THRAP3: variants seen among roughly 807,000 people sequenced by gnomAD.
THRAP3 encodes the protein thyroid hormone receptor-associated protein 3.
THRAP3 carries 16 observed loss-of-function variants against 101.0 expected under a neutral mutation model. The observed-to-expected ratio is 0.16, with a 90% CI of 0.11 to 0.24. The LOEUF (loss-of-function observed/expected upper bound fraction) is 0.24, where lower values mean the gene tolerates loss of function less well. Among genes scored for constraint, THRAP3 ranks in the 10% least tolerant of loss-of-function variants. THRAP3 has a pLI of 1.00. For missense variants in THRAP3, 989 were observed against 1,202.7 expected (o/e 0.82, Z 2.63); for synonymous variants, 407 against 422.6 (o/e 0.96, Z 0.45).
intron 2 of THRAP3, among the ~76,000 whole-genome samples, chr1:36,267,055 TG>T (rs1645524015): frequency 6.6e-6 from 1 of 152,090 alleles, no homozygotes; most frequent in African/African-American, 2.4e-5. Flanking sequence ...TAAATTTTTT[TG>T]TATTTTTAGT....
chr1:36,208,339 A>G, the THRAP3 span, among the ~76,000 whole-genome samples: 1 of 152,316 alleles, frequency 6.6e-6, no homozygotes, highest in South Asian at 2.1e-4. Context: ...AGGATAAGTC[A>G]CTTGCCTGAA....
chr1:36,210,451 G>A, the THRAP3 span, among the ~76,000 whole-genome samples: 1 of 149,444 alleles, frequency 6.7e-6, no homozygotes, highest in Non-Finnish European at 1.5e-5. Context: ...CACTTTGGGA[G>A]GCCGAGGTGG....
chr1:36,289,340 A>G lies in THRAP3; in HGVS notation c.1321A>G (p.Arg441Gly). The change falls in exon 5 of 12, where the codon AGA (arginine) becomes GGA (glycine). Residue 441 changes from arginine (R) to glycine (G), a missense_variant. Arg to Gly is a moderately radical substitution (Grantham distance 125). Transcript: ENST00000354618. The stretch of plus-strand genomic sequence containing the variant: ...TCAAGATAAGGACAAAGCTAAGGGA[A>G]GAAAGGAATCTGAGTTTGATGATGA... ...DDQDKDKAKG[R>G]KESEFDDEPK... is the part of the protein sequence containing the mutation. 6.2e-7 allele frequency: 1 copy of G among 1,614,190 alleles called. No homozygotes were observed. Among genetic ancestry groups the G allele is most frequent in the South Asian group, 1.1e-5 (1 of 91,086 alleles).
chr1:36,212,566 G>T, the THRAP3 span, among the ~76,000 whole-genome samples: 1 of 151,780 alleles, frequency 6.6e-6, no homozygotes, highest in Non-Finnish European at 1.5e-5. Context: ...GATTACAGGT[G>T]CGTGCCACCA....
At chr1:36,240,928 C>T (rs930936902) in intron 1 of THRAP3, among the ~76,000 whole-genome samples, 16 of 152,044 alleles carry the variant, frequency 1.1e-4, no homozygotes, top group Non-Finnish European at 2.1e-4. Context: ...ACTTTTCGGC[C>T]GGGCGCAGTG....
chr1:36,218,130 C>T, the THRAP3 span, among the ~76,000 whole-genome samples: 3 of 151,738 alleles, frequency 2.0e-5, no homozygotes, highest in African/African-American at 7.3e-5. Flanking sequence ...TCTGGGAGGC[C>T]GAAGTGGGTG....
At chr1:36,239,147 G>C (rs1645125256) in intron 1 of THRAP3, among the ~76,000 whole-genome samples, 1 of 150,608 alleles carries the variant, frequency 6.6e-6, no homozygotes, top group Non-Finnish European at 1.5e-5. Context: ...CTGGTGATCC[G>C]CCCGCCTCGG....
chr1:36,289,397 A>T lies in THRAP3; in HGVS notation c.1378A>T (p.Asn460Tyr), dbSNP rs1645836595. Residue 460 changes from asparagine to tyrosine, a missense_variant, in exon 5 of 12, where the codon AAC becomes TAC. Physicochemically the swap from Asn to Tyr is moderately radical, Grantham distance 143. Coordinates refer to ENST00000354618, the MANE Select transcript of THRAP3 (RefSeq NM_005119.4). ...ATTTATGTCTAAAGTCATAGGTGCA[A>T]ACAAAAACCAGGAGGAGGAGAAGTC... ...PKFMSKVIGA[N>Y]KNQEEEKSGK... 2 of 1,614,106 alleles carry T rather than the reference A, an allele frequency of 1.2e-6. No homozygotes were observed. The highest frequency in any genetic ancestry group is 1.7e-6 in the Non-Finnish European group (2 of 1,180,056).
intron 1 of THRAP3, among the ~76,000 whole-genome samples, chr1:36,245,544 T>C (rs1013164409): frequency 7.2e-5 from 11 of 152,062 alleles, no homozygotes; most frequent in African/African-American, 2.7e-4. Flanking sequence ...GCTGACTGAA[T>C]GATTCTGTTC....
At chr1:36,221,237 G>T (rs934104735), upstream of THRAP3, among the ~76,000 whole-genome samples, 8 of 149,780 alleles carry the variant, frequency 5.3e-5, no homozygotes, top group African/African-American at 2.0e-4. Context: ...GACAACACAG[G>T]ATTTAGAATA....
intron 3 of THRAP3, among the ~76,000 whole-genome samples, chr1:36,283,304 T>TCAGTTTTCA (rs1645756664): frequency 6.6e-6 from 1 of 152,256 alleles, no homozygotes; most frequent in Non-Finnish European, 1.5e-5. Context: ...ATTTCCTAAT[T>TCAGTTTTCA]CAGTCAGTTT....
chr1:36,259,422 T>C lies in THRAP3; in HGVS notation c.-94T>C, dbSNP rs1645416000. 2.5e-6 allele frequency: 1 copy of C among 398,600 alleles called. No individual in the cohort carries two copies. Among genetic ancestry groups the C allele is most frequent in the Non-Finnish European group, 4.4e-6 (1 of 226,078 alleles). 24.7% of individuals were successfully genotyped at this position (398,600 alleles called of 1,614,324 possible). On this transcript the variant is annotated 5_prime_UTR_variant, in exon 2 of 12. Transcript: ENST00000354618. ...TGTAAAGTGAAGAAGCCAGTGGTGC[T>C]GCGGGTGTTCTTTTGGGGTAGTGTC...
chr1:36,282,646 C>T lies in THRAP3; in HGVS notation c.83C>T (p.Ser28Leu). The change falls in exon 3 of 12, where the codon TCG (serine) becomes TTG (leucine). Residue 28 changes from serine to leucine, a missense_variant. Physicochemically the swap from Ser to Leu is moderately radical, Grantham distance 145 (BLOSUM62 -2). Coordinates refer to ENST00000354618, the MANE Select transcript of THRAP3 (RefSeq NM_005119.4). ...SASRSRSRSF[S>L]KSRSRSRSLS... The stretch of plus-strand genomic sequence containing the variant: ...TCAAGATCTCGTTCTCGTTCATTTT[C>T]GAAGTCTCGGTCCCGAAGCCGATCT... The T allele has an allele frequency of 1.2e-6, 2 of 1,614,112 alleles. No individual in the cohort carries two copies. The highest frequency in any genetic ancestry group is 1.1e-5 in the South Asian group (1 of 91,078).
intron 4 of THRAP3, chr1:36,288,169 T>A: frequency 5.2e-6 from 5 of 959,072 alleles, no homozygotes; most frequent in Non-Finnish European, 6.2e-6. Flanking sequence ...ATTTATTTAT[T>A]TCAATAGGTT....
intron 2 of THRAP3, among the ~76,000 whole-genome samples, chr1:36,264,576 G>GTGCCC (rs1408578336): frequency 6.6e-6 from 1 of 152,156 alleles, no homozygotes; most frequent in Admixed American, 6.5e-5. Context: ...ACCCACCTTA[G>GTGCCC]TGCCCCTCTT....
At chr1:36,302,023 C>T (rs541641347) in intron 11 of THRAP3, among the ~76,000 whole-genome samples, 2 of 152,198 alleles carry the variant, frequency 1.3e-5, no homozygotes, top group Non-Finnish European at 2.9e-5. Context: ...ACAGCCATAA[C>T]CCTTCCCTGA....
In THRAP3 at chr1:36,304,990, GT is replaced by G. The variant is rs1209224490; in HGVS notation, c.*980del. On this transcript the variant is annotated 3_prime_UTR_variant, in exon 12 of 12. Transcript: ENST00000354618. ...GTGGTTATGGCTGGGTGGTTCAGGG[GT>G]TTTTTTGGGTTTCTTTTTTTTTTTC... The G allele has an allele frequency of 3.8e-5, 8 of 210,608 alleles. No homozygotes were observed. The highest frequency in any genetic ancestry group is 6.9e-5 in the East Asian group (1 of 14,410). 13.0% of individuals were successfully genotyped at this position (210,608 alleles called of 1,614,324 possible). A position where few individuals can be genotyped will look rare whatever the true frequency, so the allele number is the denominator to read the frequency against.
At chr1:36,233,696 G>T (rs1283418617) in intron 1 of THRAP3, among the ~76,000 whole-genome samples, 1 of 152,020 alleles carries the variant, frequency 6.6e-6, no homozygotes, top group Non-Finnish European at 1.5e-5. Flanking sequence ...AACCCAGGAG[G>T]TTGAGGCTGT....
chr1:36,238,543 C>G (rs1434093931), intron 1 of THRAP3, among the ~76,000 whole-genome samples: 1 of 152,004 alleles, frequency 6.6e-6, no homozygotes, highest in African/African-American at 2.4e-5. Flanking sequence ...TGAGCTAAAG[C>G]TTGTTTAGTG....
Sources: gnomAD v4.1 joint callset for allele counts (sites outside exome capture counted in the v4.1 genomes callset) on GRCh38, gnomAD v4.1.1 for gene constraint, MANE v1.5 for transcripts, NCBI Gene and HGNC (gene_info 2026-07-23, HGNC 2026-07-21) for gene names.